CPNE4: variants seen among roughly 807,000 people sequenced by gnomAD.
The protein encoded by CPNE4 is copine-4.
In CPNE4, 25 loss-of-function variants were observed where a neutral mutation model predicts 67.9. The ratio of observed to expected loss-of-function variants is 0.37; its 90% CI spans 0.27 to 0.51. The LOEUF (loss-of-function observed/expected upper bound fraction) is 0.51. Among genes scored for constraint, CPNE4 ranks in the 20% least tolerant of loss-of-function variants. The probability of loss-of-function intolerance (pLI) is 0.93; values close to 1 mark genes in which losing one functional copy is unlikely to be tolerated. For missense variants in CPNE4, 464 were observed against 690.8 expected (o/e 0.67, Z 3.68); for synonymous variants, 242 against 244.9 (o/e 0.99, Z 0.11).
At chr3:131,975,986 G>C (rs2072640806) in intron 1 of CPNE4, among the ~76,000 whole-genome samples, 1 of 151,218 alleles carries the variant, frequency 6.6e-6, no homozygotes, top group Non-Finnish European at 1.5e-5. Context: ...ATACTATGCA[G>C]TTGTGACAAA....
intron 7 of CPNE4, among the ~76,000 whole-genome samples, chr3:131,639,740 T>C (rs901135066): frequency 8.5e-5 from 13 of 152,082 alleles, no homozygotes; most frequent in Admixed American, 5.2e-4. Flanking sequence ...CTGATGAACA[T>C]AGATGCAAAA....
intron 2 of CPNE4, among the ~76,000 whole-genome samples, chr3:131,744,920 C>G (rs1196942279): frequency 6.6e-6 from 1 of 152,162 alleles, no homozygotes; most frequent in African/African-American, 2.4e-5. Flanking sequence ...CTTGTGATCA[C>G]AAATCTTAAT....
At chr3:131,976,387 C>T (rs2072653902) in intron 1 of CPNE4, among the ~76,000 whole-genome samples, 2 of 152,032 alleles carry the variant, frequency 1.3e-5, no homozygotes, top group Admixed American at 1.3e-4. Context: ...TTCACCAAAG[C>T]TCTTTTCCCT....
intron 2 of CPNE4, among the ~76,000 whole-genome samples, chr3:131,856,608 G>T (rs2086454330): frequency 1.3e-5 from 2 of 151,974 alleles, no homozygotes; most frequent in African/African-American, 2.4e-5. Flanking sequence ...CACACATGTG[G>T]ATGGGAAACA....
intron 2 of CPNE4, among the ~76,000 whole-genome samples, chr3:131,728,193 C>A (rs2082042968): frequency 2.0e-5 from 3 of 152,150 alleles, no homozygotes. Flanking sequence ...CGTATGCTTA[C>A]TTGCCACCTG....
intron 1 of CPNE4, among the ~76,000 whole-genome samples, chr3:131,954,322 C>T (rs1447627330): frequency 3.3e-5 from 5 of 152,054 alleles, no homozygotes; most frequent in African/African-American, 1.2e-4. Context: ...TGAGAGAGAT[C>T]ACCGGATTCC....
chr3:131,888,403 T>TAAAA (rs35504853), intron 2 of CPNE4, among the ~76,000 whole-genome samples: 1 of 147,974 alleles, frequency 6.8e-6, no homozygotes, highest in East Asian at 2.0e-4. Flanking sequence ...GTCTTTGGGT[T>TAAAA]AAAAAAAAAA....
intron 2 of CPNE4, among the ~76,000 whole-genome samples, chr3:131,895,683 A>C (rs375303765): frequency 1.3e-5 from 2 of 152,118 alleles, no homozygotes; most frequent in Admixed American, 6.6e-5. Context: ...GCATTTTGAT[A>C]TATTTTATAT....
At chr3:131,961,422 G>A (rs1391755176) in intron 1 of CPNE4, among the ~76,000 whole-genome samples, 1 of 152,074 alleles carries the variant, frequency 6.6e-6, no homozygotes, top group African/African-American at 2.4e-5. Context: ...CTAACACCTG[G>A]AGCTCATCAA....
chr3:131,945,296 C>T (rs2071519554), intron 1 of CPNE4, among the ~76,000 whole-genome samples: 1 of 152,148 alleles, frequency 6.6e-6, no homozygotes, highest in Non-Finnish European at 1.5e-5. Flanking sequence ...TCTCCAGTGT[C>T]ACACTCTAAT....
At chr3:131,803,872 A>C (rs954520527) in intron 2 of CPNE4, among the ~76,000 whole-genome samples, 1 of 152,252 alleles carries the variant, frequency 6.6e-6, no homozygotes, top group South Asian at 2.1e-4. Context: ...GGAAAACCGT[A>C]AAGACTAATC....
chr3:131,689,272 G>A (rs2080970715), intron 5 of CPNE4, among the ~76,000 whole-genome samples: 2 of 152,120 alleles, frequency 1.3e-5, no homozygotes, highest in Admixed American at 6.6e-5. Context: ...TGGTGAATGG[G>A]AAGTGTTGAG....
chr3:131,715,425 T>G (rs767660303), intron 3 of CPNE4, among the ~76,000 whole-genome samples: 3 of 152,258 alleles, frequency 2.0e-5, no homozygotes, highest in Non-Finnish European at 2.9e-5. Context: ...TGATCATTTA[T>G]ACTAGTTAGT....
chr3:131,759,129 G>A (rs1475048248), intron 2 of CPNE4, among the ~76,000 whole-genome samples: 1 of 152,116 alleles, frequency 6.6e-6, no homozygotes, highest in Non-Finnish European at 1.5e-5. Flanking sequence ...CAAGCAAGAA[G>A]GATGGAACAA....
chr3:131,552,622 C>A, intron 12 of CPNE4, 131 bp from the exon 13 acceptor site: 5 of 651,722 alleles, frequency 7.7e-6, no homozygotes, highest in South Asian at 1.9e-5. Context: ...GCAGCAGGAA[C>A]CATTTCAAGC....
rs571348123 is a variant in CPNE4, at chr3:131,823,901, C to T, written c.180+81363G>A. Among the ~76,000 whole-genome samples, 4 of 152,108 alleles carry T rather than the reference C, an allele frequency of 2.6e-5. No homozygotes were observed. In the East Asian group the frequency reaches 7.7e-4, roughly 29 times the overall value. On this transcript the variant is annotated intron_variant, in intron 2 of 15. Transcript: ENST00000429747. ...ACCAGATTGTAAGATTTGGGTACAA[C>T]CAATATTTCATAATTCTTTGCAGCT...
intron 2 of CPNE4, among the ~76,000 whole-genome samples, chr3:131,745,246 T>C (rs1414479927): frequency 6.6e-6 from 1 of 152,134 alleles, no homozygotes; most frequent in Non-Finnish European, 1.5e-5. Flanking sequence ...ATGAAACGTC[T>C]CTTCATGTCT....
chr3:131,554,221 A>G (rs141158300), intron 12 of CPNE4, among the ~76,000 whole-genome samples: 3 of 152,162 alleles, frequency 2.0e-5, no homozygotes, highest in East Asian at 3.9e-4. Flanking sequence ...ACCTGTTTAC[A>G]TTCCCGATTT....
At chr3:132,021,376 G>A (rs2073992971) in intron 1 of CPNE4, among the ~76,000 whole-genome samples, 2 of 151,674 alleles carry the variant, frequency 1.3e-5, no homozygotes, top group African/African-American at 4.8e-5. Flanking sequence ...TCATATTTCA[G>A]AATAATAGTC....
Sources: allele counts gnomAD v4.1 joint callset (sites outside exome capture counted in the v4.1 genomes callset), GRCh38; gene constraint gnomAD v4.1.1; transcripts MANE v1.5; gene names NCBI Gene and HGNC (gene_info 2026-07-23, HGNC 2026-07-21).